EMILIN2: variants seen among roughly 807,000 people sequenced by gnomAD.
EMILIN2 encodes the protein elastin microfibril interfacer 2, also known as EMILIN-2.
In EMILIN2, 71 loss-of-function variants were observed where a neutral mutation model predicts 87.1. That is an observed-to-expected ratio of 0.82 (90% CI 0.67 to 0.99). The LOEUF (loss-of-function observed/expected upper bound fraction) is 0.99, where lower values mean the gene tolerates loss of function less well. Ranked by LOEUF, EMILIN2 falls within the 50% of genes least tolerant of loss-of-function variation. The probability of loss-of-function intolerance (pLI) is 0.00; values close to 1 mark genes in which losing one functional copy is unlikely to be tolerated. For synonymous variants in EMILIN2, 581 were observed against 563.4 expected, an observed-to-expected ratio of 1.03 and a Z score of -0.44; for missense variants, 1,407 against 1,371.8, an observed-to-expected ratio of 1.03 and a Z score of -0.40.
intron 2 of EMILIN2, among the ~76,000 whole-genome samples, chr18:2,865,805 G>C (rs2076683670): frequency 6.6e-6 from 1 of 152,216 alleles, no homozygotes; most frequent in South Asian, 2.1e-4. Context: ...CCTGCCCCCA[G>C]AGGTGCAGTC....
chr18:2,907,675 CAGG>C (rs2076921396), intron 5 of EMILIN2, among the ~76,000 whole-genome samples: 1 of 152,312 alleles, frequency 6.6e-6, no homozygotes, highest in East Asian at 1.9e-4. Flanking sequence ...AGAGTAGAGA[CAGG>C]AGAAGGAAGT....
intron 2 of EMILIN2, among the ~76,000 whole-genome samples, chr18:2,872,853 G>A (rs2143997630): frequency 6.6e-6 from 1 of 152,252 alleles, no homozygotes; most frequent in South Asian, 2.1e-4. Context: ...TATTAATTGT[G>A]TGGCTTCTTT....
At chr18:2,895,125 T>C (rs1224391644) in intron 4 of EMILIN2, among the ~76,000 whole-genome samples, 1 of 151,720 alleles carries the variant, frequency 6.6e-6, no homozygotes, top group Non-Finnish European at 1.5e-5. Context: ...TGGATAAAAG[T>C]CTGATGGGGA....
chr18:2,847,211 G>A lies in EMILIN2; in HGVS notation c.23G>A (p.Trp8Ter). Residue 8 changes from tryptophan (W) to a stop codon, truncating the protein, a stop_gained, in exon 1 of 8, where the codon TGG (tryptophan) becomes TAG (stop). Coordinates refer to ENST00000254528, the MANE Select transcript of EMILIN2 (RefSeq NM_032048.3). LOFTEE classifies it high-confidence loss of function. The surrounding 1 kb of genome is among the most constrained non-coding windows in gnomAD (Gnocchi z 4.5). ...GGGATGTGGCAGCCCAGACGGCCCT[G>A]GCCCCGCGTGCCCTGGCGCTGGGCG... MWQPRRP[W>*]PRVPWRWALA... is the part of the protein sequence containing the mutation. 8.1e-7 allele frequency: 1 copy of A among 1,236,604 alleles called. No individual in the cohort carries two copies. Among genetic ancestry groups the A allele is most frequent in the Non-Finnish European group, 1.0e-6 (1 of 989,904 alleles). 76.6% of individuals were successfully genotyped at this position (1,236,604 alleles called of 1,614,324 possible). A position where few individuals can be genotyped will look rare whatever the true frequency, so the allele number is the denominator to read the frequency against.
rs1349572511 is a variant in EMILIN2 at position 2,847,704 on chromosome 18, C to T, written c.135-105C>T. On this transcript the variant is annotated intron_variant, in intron 1 of 7. Transcript: ENST00000254528. This position sits in a 1 kb window ranked among gnomAD's most constrained non-coding sequence, Gnocchi z 4.5. ...TCCCGCCTCCGCAGAGGGCGACGGG[C>T]CCCCCCGACCCTCGCTCGGTCTGGT... The T allele has an allele frequency of 2.8e-6, 4 of 1,426,890 alleles. No homozygotes were observed. Among genetic ancestry groups the T allele is most frequent in the Non-Finnish European group, 3.7e-6 (4 of 1,081,036 alleles). 88.4% of individuals were successfully genotyped at this position (1,426,890 alleles called of 1,614,324 possible).
chr18:2,862,277 A>G (rs1450909470), intron 2 of EMILIN2, among the ~76,000 whole-genome samples: 1 of 152,132 alleles, frequency 6.6e-6, no homozygotes, highest in Non-Finnish European at 1.5e-5. Context: ...TATGTTGAAT[A>G]GGAGTGGTGA....
At chr18:2,911,684 G>A (rs2144079875) in intron 7 of EMILIN2, among the ~76,000 whole-genome samples, 1 of 152,318 alleles carries the variant, frequency 6.6e-6, no homozygotes. Context: ...ACTCTGCACT[G>A]CCTTGGCCAT....
At chr18:2,889,133 C>CTTTTTTTTTTTT (rs772439545) in intron 3 of EMILIN2, among the ~76,000 whole-genome samples, 58 of 84,312 alleles carry the variant, frequency 6.9e-4, no homozygotes, top group Non-Finnish European at 8.3e-4. Flanking sequence ...TCTTTCTTTT[C>CTTTTTTTTTTTT]TTTTTTTTTT....
At position 2,847,401 on chromosome 18, in the gene EMILIN2, A is replaced by G; in HGVS notation, c.134+79A>G. The G allele has an allele frequency of 8.2e-7, 1 of 1,215,574 alleles. No individual in the cohort carries two copies. The highest frequency in any genetic ancestry group is 1.0e-6 in the Non-Finnish European group (1 of 969,998). The allele number at this position is 1,215,574 out of a possible 1,614,324, so 75.3% of individuals were successfully genotyped here. On this transcript the variant is annotated intron_variant, in intron 1 of 7. Transcript: ENST00000254528. The surrounding 1 kb of genome is among the most constrained non-coding windows in gnomAD (Gnocchi z 4.5). ...AGTTGAGCCCCAGAGCTGCCCTGCC[A>G]AAGACGACGAGCGGCAGCCGGGGGC...
intron 6 of EMILIN2, among the ~76,000 whole-genome samples, chr18:2,909,283 G>A (rs956078481): frequency 2.0e-5 from 3 of 152,208 alleles, no homozygotes; most frequent in Admixed American, 1.3e-4. Context: ...TGGTCCTGAT[G>A]AGCTTCCTGG....
chr18:2,895,039 C>A (rs768048134), intron 4 of EMILIN2, among the ~76,000 whole-genome samples: 17 of 152,092 alleles, frequency 1.1e-4, no homozygotes, highest in Non-Finnish European at 2.4e-4. Flanking sequence ...TGTGGCATAG[C>A]AGTTTATCCC....
In EMILIN2 at chr18:2,847,155, C is replaced by A. The variant is rs1361735964; in HGVS notation, c.-34C>A. ...GTGCCCCGATCCGCCGCGCTCCGGA[C>A]CCGGGCAGGCGGGGCGCGCCCGCTG... is the stretch of plus-strand genomic sequence containing the variant. On this transcript the variant is annotated 5_prime_UTR_variant, in exon 1 of 8. Coordinates refer to ENST00000254528, the MANE Select transcript of EMILIN2 (RefSeq NM_032048.3). This position sits in a 1 kb window ranked among gnomAD's most constrained non-coding sequence, Gnocchi z 4.5. The A allele has an allele frequency of 9.3e-7, 1 of 1,069,948 alleles. No individual in the cohort carries two copies. The highest frequency in any genetic ancestry group is 3.7e-5 in the South Asian group (1 of 27,228). The allele number at this position is 1,069,948 out of a possible 1,614,324, so 66.3% of individuals were successfully genotyped here. A position where few individuals can be genotyped will look rare whatever the true frequency, so the allele number is the denominator to read the frequency against.
At chr18:2,846,760 G>C (rs55946796), upstream of EMILIN2, 1 of 985,420 alleles carries the variant, frequency 1.0e-6, no homozygotes, top group Non-Finnish European at 1.2e-6. The surrounding 1 kb of genome is among the most constrained non-coding windows in gnomAD (Gnocchi z 5.3). Context: ...AGGCGGAGTC[G>C]CTCGGCATCT....
chr18:2,867,636 A>G (rs1369225795), intron 2 of EMILIN2, among the ~76,000 whole-genome samples: 1 of 152,256 alleles, frequency 6.6e-6, no homozygotes, highest in Non-Finnish European at 1.5e-5. Context: ...GAGTGGACAC[A>G]GCACATGTTT....
In EMILIN2 at chr18:2,913,328, T is replaced by C. The variant is rs1208008011; in HGVS notation, c.3086T>C (p.Leu1029Pro). ...AVNVVVTGGK[L>P]AHTDFDEMYS... ...AACGTCGTGGTGACTGGGGGCAAGC[T>C]GGCTCACACAGACTTTGATGAAATG... Residue 1029 changes from leucine to proline, a missense_variant, in exon 8 of 8, where the codon CTG becomes CCG. Transcript: ENST00000254528. 2 of 1,612,836 alleles carry C rather than the reference T, an allele frequency of 1.2e-6. No individual in the cohort carries two copies. Among genetic ancestry groups the C allele is most frequent in the East Asian group, 2.2e-5 (1 of 44,866 alleles).
chr18:2,913,407 T>C lies in EMILIN2; in HGVS notation c.*3T>C, dbSNP rs184522221. The C allele has an allele frequency of 3.5e-4, 544 of 1,571,668 alleles. 1 individual carries two copies. In the African/African-American group the frequency reaches 6.9e-3, roughly 20 times the overall value. On this transcript the variant is annotated 3_prime_UTR_variant, in exon 8 of 8. Coordinates refer to ENST00000254528, the MANE Select transcript of EMILIN2 (RefSeq NM_032048.3). ...ATCCTTTCCTTTCCCACCTCTAAGG[T>C]GGCTGGGGAGATGTCAGGGGAAAGA...
At chr18:2,855,934 C>A (rs1161815382) in intron 2 of EMILIN2, among the ~76,000 whole-genome samples, 1 of 152,146 alleles carries the variant, frequency 6.6e-6, no homozygotes, top group East Asian at 1.9e-4. Flanking sequence ...AATGTTATTG[C>A]CTCACAGGTG....
At chr18:2,867,166 T>C (rs529960670) in intron 2 of EMILIN2, among the ~76,000 whole-genome samples, 1 of 152,274 alleles carries the variant, frequency 6.6e-6, no homozygotes, top group Admixed American at 6.5e-5. Flanking sequence ...CTTTTTTTGT[T>C]AGGTCGTTTC....
intron 2 of EMILIN2, among the ~76,000 whole-genome samples, chr18:2,861,922 G>A (rs2076663067): frequency 6.6e-6 from 1 of 152,136 alleles, no homozygotes; most frequent in South Asian, 2.1e-4. Flanking sequence ...GCAGTGGTTT[G>A]TAGTTCTCCT....
Sources: allele counts gnomAD v4.1 joint callset (sites outside exome capture counted in the v4.1 genomes callset), GRCh38; gene constraint gnomAD v4.1.1; non-coding constraint Gnocchi (gnomAD v3.1); transcripts MANE v1.5; gene names NCBI Gene and HGNC (gene_info 2026-07-23, HGNC 2026-07-21).